Variants in LRP1B observed in about 807,000 individuals in gnomAD.
LRP1B encodes LDL receptor related protein 1B, also known as low-density lipoprotein receptor-related protein 1B.
Under a neutral mutation model 556.6 loss-of-function variants are expected in LRP1B, and 217 were observed. That is an observed-to-expected ratio of 0.39 (90% CI 0.35 to 0.44). LRP1B has a LOEUF of 0.44. Ranked by LOEUF, LRP1B falls within the 20% of genes least tolerant of loss-of-function variation. The probability of loss-of-function intolerance (pLI) is 1.00; values close to 1 mark genes in which losing one functional copy is unlikely to be tolerated. For synonymous variants in LRP1B, 2,047 were observed against 1,865.8 expected (o/e 1.10, Z -2.50); for missense variants, 5,053 against 5,620.8 (o/e 0.90, Z 3.23).
At chr2:141,553,656 T>A (rs1685836204) in intron 2 of LRP1B, among the ~76,000 whole-genome samples, 1 of 145,454 alleles carries the variant, frequency 6.9e-6, no homozygotes, top group South Asian at 2.1e-4. Flanking sequence ...TAATATATAA[T>A]TTTATATATA....
chr2:141,473,035 TTTAC>T (rs973771113), intron 3 of LRP1B, among the ~76,000 whole-genome samples: 2 of 120,448 alleles, frequency 1.7e-5, no homozygotes, highest in Non-Finnish European at 3.9e-5. Context: ...CCCAGAGGTA[TTTAC>T]TTAGTTAGCT....
chr2:141,064,904 A>G (rs1699436903), intron 7 of LRP1B, among the ~76,000 whole-genome samples: 1 of 151,890 alleles, frequency 6.6e-6, no homozygotes, highest in Non-Finnish European at 1.5e-5. Flanking sequence ...TTTCTATAAC[A>G]TATTTTTCCA....
Position 140,456,519 on chromosome 2 carries a change from C to A in LRP1B, c.9899G>T (p.Cys3300Phe), listed in dbSNP as rs1270074160. The change falls in exon 62 of 91, where the codon TGT (cysteine) becomes TTT (phenylalanine). Residue 3300 changes from cysteine to phenylalanine, a missense_variant. Around this residue, in one of 5 missense-constraint regions of LRP1B, gnomAD observed 262 missense variants for 395.1 expected, o/e 0.66. Transcript: ENST00000389484. ...AGCTGCCAGATAGAAGTTAGTGGGA[C>A]ATGCACAAGTGTGGGTTTTTCCAGG... The part of the protein sequence containing the change: ...LAPGKTHTCA[C>F]PTNFYLAADN... 1 of 1,613,372 alleles carries A rather than the reference C, an allele frequency of 6.2e-7. No homozygotes were observed. The highest frequency in any genetic ancestry group is 1.1e-5 in the South Asian group (1 of 90,982).
Position 140,536,650 on chromosome 2 carries a change from C to G in LRP1B, c.7573G>C (p.Asp2525His), listed in dbSNP as rs1558951480. 1 of 1,610,432 alleles carries G rather than the reference C, an allele frequency of 6.2e-7. No individual in the cohort carries two copies. Among genetic ancestry groups the G allele is most frequent in the Middle Eastern group, 1.7e-4 (1 of 6,044 alleles). ...ATGCCATCACAGGTGAGCTGGTAGT[C>G]AATGCACTCACCATTTCCACATTCA... ...EFECGNGECI[D>H]YQLTCDGIPH... is the part of the protein sequence containing the mutation. Residue 2525 changes from aspartate (D) to histidine (H), a missense_variant, in exon 46 of 91, where the codon GAC (aspartate) becomes CAC (histidine). By Grantham distance (81) the Asp-to-His change is moderately conservative (BLOSUM62 -1). Transcript: ENST00000389484.
chr2:141,540,594 G>A lies in LRP1B; in HGVS notation c.206-60061C>T, dbSNP rs189431390. Among the ~76,000 whole-genome samples, 19 of 152,132 alleles carry A rather than the reference G, an allele frequency of 1.2e-4. No homozygotes were observed. In the East Asian group the frequency reaches 2.7e-3, roughly 22 times the overall value. On this transcript the variant is annotated intron_variant, in intron 2 of 90. Coordinates refer to ENST00000389484, the MANE Select transcript of LRP1B (RefSeq NM_018557.3). ...GCTCTTGACTTTTTTGAAGGGCAAC[G>A]TGATTGTAAAATGGTGCTTGGCTTC... is the stretch of plus-strand genomic sequence containing the variant.
At chr2:141,796,311 T>G (rs1695810245) in intron 2 of LRP1B, among the ~76,000 whole-genome samples, 2 of 152,020 alleles carry the variant, frequency 1.3e-5, no homozygotes, top group South Asian at 4.1e-4. Flanking sequence ...CATTCATACC[T>G]TCAAGAATCC....
At chr2:142,130,342 A>G (rs922638470) in intron 1 of LRP1B, among the ~76,000 whole-genome samples, 6 of 152,196 alleles carry the variant, frequency 3.9e-5, no homozygotes. Flanking sequence ...TCATTCCAAC[A>G]TCTGCAGCGC....
In LRP1B at chr2:140,770,867, T is replaced by C. The variant is rs1489111532; in HGVS notation, c.5626+14A>G. On this transcript the variant is annotated intron_variant, in intron 34 of 90. Coordinates refer to ENST00000389484, the MANE Select transcript of LRP1B (RefSeq NM_018557.3). Reference sequence around the variant, plus strand: ...GTAAATGAACCAGAGGTAAGGTTTTTCATGAACTCATACCTTGACATGACA... The same window carrying C: ...GTAAATGAACCAGAGGTAAGGTTTTCCATGAACTCATACCTTGACATGACA... 1.3e-6 allele frequency: 2 copies of C among 1,538,544 alleles called. No homozygotes were observed. The highest frequency in any genetic ancestry group is 2.8e-5 in the African/African-American group (2 of 70,352).
intron 71 of LRP1B, among the ~76,000 whole-genome samples, chr2:140,369,663 T>TA (rs11430740): frequency 0.1 from 15,071 of 144,102 alleles, 907 homozygotes; most frequent in African/African-American, 0.17. Flanking sequence ...CAAGGAGCTG[T>TA]AAAAAAAAAA....
chr2:141,463,332 TG>T lies in LRP1B; in HGVS notation c.343+17063del, dbSNP rs1681987631. ...ACATTGGAAATATTTATGTTTGCTT[TG>T]GGAAGTATTTCTCACTGAAACTATT... On this transcript the variant is annotated intron_variant, in intron 3 of 90. Coordinates refer to ENST00000389484, the MANE Select transcript of LRP1B (RefSeq NM_018557.3). 2.0e-5 allele frequency among the ~76,000 whole-genome samples: 3 copies of T among 151,780 alleles called. No homozygotes were observed. In the South Asian group the frequency reaches 6.2e-4, roughly 32 times the overall value.
intron 1 of LRP1B, among the ~76,000 whole-genome samples, chr2:142,083,983 C>CT (rs113213864): frequency 0.013 from 1,829 of 141,682 alleles, 14 homozygotes; most frequent in Admixed American, 0.018. Context: ...TTCTCTATGC[C>CT]TTTTTTTTTT....
intron 3 of LRP1B, among the ~76,000 whole-genome samples, chr2:141,371,816 G>C (rs1332885929): frequency 1.3e-5 from 2 of 152,042 alleles, no homozygotes; most frequent in African/African-American, 2.4e-5. Context: ...TAAGTGAACA[G>C]AGATAATTTG....
chr2:140,830,651 G>A (rs901850080), intron 31 of LRP1B, among the ~76,000 whole-genome samples: 1 of 152,020 alleles, frequency 6.6e-6, no homozygotes, highest in African/African-American at 2.4e-5. Context: ...ACTTCATACT[G>A]AGTGGAGAAA....
At chr2:141,586,556 T>C (rs1388180076) in intron 2 of LRP1B, among the ~76,000 whole-genome samples, 1 of 152,082 alleles carries the variant, frequency 6.6e-6, no homozygotes, top group Admixed American at 6.6e-5. Flanking sequence ...ACAAATGAAG[T>C]GATTGAAAAT....
intron 24 of LRP1B, among the ~76,000 whole-genome samples, chr2:140,884,869 C>T (rs1433397789): frequency 1.3e-5 from 2 of 152,090 alleles, no homozygotes; most frequent in African/African-American, 4.8e-5. Flanking sequence ...CACACAACCA[C>T]ACCCAGCTAA....
Position 140,370,842 on chromosome 2 carries a change from T to C in LRP1B, c.10876A>G (p.Met3626Val). 6.2e-7 allele frequency: 1 copy of C among 1,612,210 alleles called. No individual in the cohort carries two copies. Among genetic ancestry groups the C allele is most frequent in the Non-Finnish European group, 8.5e-7 (1 of 1,178,840 alleles). The change falls in exon 71 of 91, where the codon ATG becomes GTG. Residue 3626 changes from methionine to valine, a missense_variant and splice_region_variant. Met to Val is a conservative substitution (Grantham distance 21). Around this residue, in one of 5 missense-constraint regions of LRP1B, gnomAD observed 599 missense variants for 648.4 expected, o/e 0.92. Transcript: ENST00000389484. ...TCCTTACATTCAGTCACACAGTCCATCTGTTCAAATACAAATGGACACTGC... is the reference window on the plus strand; with the variant it reads ...TCCTTACATTCAGTCACACAGTCCACCTGTTCAAATACAAATGGACACTGC... ...EYDCADGSDEMDCVTECKEDQ... is the reference protein window; with the variant it reads ...EYDCADGSDEVDCVTECKEDQ...
chr2:140,818,324 C>T (rs1691199841), intron 31 of LRP1B, among the ~76,000 whole-genome samples: 2 of 152,158 alleles, frequency 1.3e-5, no homozygotes, highest in South Asian at 4.2e-4. Flanking sequence ...AAAACAACTC[C>T]TTCTACTTCT....
intron 2 of LRP1B, among the ~76,000 whole-genome samples, chr2:141,745,580 G>C (rs777693247): frequency 5.3e-5 from 8 of 152,024 alleles, no homozygotes; most frequent in Admixed American, 1.3e-4. Flanking sequence ...TCAGGGCAGT[G>C]AGCTTCCTTC....
At chr2:141,127,772 T>C (rs1383584688) in intron 7 of LRP1B, among the ~76,000 whole-genome samples, 2 of 114,648 alleles carry the variant, frequency 1.7e-5, no homozygotes, top group African/African-American at 2.7e-5. Flanking sequence ...GGTAAACTGG[T>C]TTAAAAAAAA....
Sources: gnomAD v4.1 joint callset for allele counts (sites outside exome capture counted in the v4.1 genomes callset) on GRCh38, gnomAD v4.1.1 for gene constraint, gnomAD v4.1.1 regional missense constraint, MANE v1.5 for transcripts, NCBI Gene and HGNC (gene_info 2026-07-23, HGNC 2026-07-21) for gene names.